The following NEB variants were observed in gnomAD, a reference collection of about 807,000 sequenced individuals.
The protein encoded by NEB is nemaline myopathy type 2.
In NEB, 512 loss-of-function variants were observed where a neutral mutation model predicts 952.2. The observed-to-expected ratio is 0.54, with a 90% confidence interval of 0.50 to 0.58. The LOEUF (loss-of-function observed/expected upper bound fraction) is 0.58, where lower values mean the gene tolerates loss of function less well. Ranked by LOEUF, NEB falls within the 20% of genes least tolerant of loss-of-function variation. The probability of loss-of-function intolerance (pLI) is 0.00; values close to 1 mark genes in which losing one functional copy is unlikely to be tolerated. For synonymous variants in NEB, 2,900 were observed against 3,149.8 expected (o/e 0.92, Z 2.66); for missense variants, 8,428 against 9,231.1 (o/e 0.91, Z 3.56).
At position 151,664,535 on chromosome 2, in the gene NEB, T is replaced by C. The variant is rs753497414; in HGVS notation, c.5417A>G (p.Lys1806Arg). The change falls in exon 44 of 182, where the codon AAG becomes AGG. Residue 1806 changes from lysine to arginine, a missense_variant. Lys to Arg is a conservative substitution (Grantham distance 26, BLOSUM62 2). Around this residue, in one of 11 missense-constraint regions of NEB, gnomAD observed 2,851 missense variants for 2,791.5 expected, o/e 1.02. Transcript: ENST00000397345. ...YDLRPDAIAI[K>R]AARASRDIAS... ...AATGTCTCTAGAGGCTCTTGCAGCCTTTATTGCAATGGCATCAGGCCTCAG... is the reference window on the plus strand; with the variant it reads ...AATGTCTCTAGAGGCTCTTGCAGCCCTTATTGCAATGGCATCAGGCCTCAG... The C allele has an allele frequency of 1.2e-6, 2 of 1,605,470 alleles. No homozygotes were observed. The highest frequency in any genetic ancestry group is 2.2e-5 in the South Asian group (2 of 88,912).
chr2:151,723,488 T>C lies in NEB; in HGVS notation c.613-2A>G, dbSNP rs752893483. On this transcript the variant is annotated splice_acceptor_variant, in intron 8 of 181. Coordinates refer to ENST00000397345, the MANE Select transcript of NEB (RefSeq NM_001164508.2). LOFTEE classifies it high-confidence loss of function. Reference sequence around the variant, plus strand: ...TTCCCAGTCTTCAGTGTACAGTTTCTAAATCAAAAAAGAGTGAAAAGTTAG... The same window carrying C: ...TTCCCAGTCTTCAGTGTACAGTTTCCAAATCAAAAAAGAGTGAAAAGTTAG... 1.3e-6 allele frequency: 2 copies of C among 1,595,978 alleles called. No homozygotes were observed. The highest frequency in any genetic ancestry group is 3.5e-5 in the Admixed American group (2 of 57,844).
At chr2:151,573,454 A>C (rs1273358515) in intron 107 of NEB, among the ~76,000 whole-genome samples, 1 of 152,108 alleles carries the variant, frequency 6.6e-6, no homozygotes, top group African/African-American at 2.4e-5. Flanking sequence ...AGAACTGACT[A>C]CCCCTTGATT....
chr2:151,525,763 T>G (rs1442643931), intron 150 of NEB, among the ~76,000 whole-genome samples, 195 bp downstream of exon 150: 3 of 152,224 alleles, frequency 2.0e-5, no homozygotes, highest in Non-Finnish European at 4.4e-5. Flanking sequence ...AAACCCACAT[T>G]TGCCATAATT....
At chr2:151,491,598 G>T in intron 179 of NEB, 85 bp downstream of exon 179, 1 of 1,145,536 alleles carries the variant, frequency 8.7e-7, no homozygotes. Flanking sequence ...TGGAGGGAAG[G>T]AACTTCAGAG....
intron 130 of NEB, among the ~76,000 whole-genome samples, chr2:151,549,097 C>T (rs1009403485): frequency 1.3e-5 from 2 of 152,152 alleles, no homozygotes; most frequent in African/African-American, 4.8e-5. Context: ...TTTGAGTAAG[C>T]TACAGGTAGT....
intron 135 of NEB, among the ~76,000 whole-genome samples, chr2:151,545,007 G>A (rs147262394): frequency 2.6e-5 from 4 of 152,318 alleles, no homozygotes; most frequent in Non-Finnish European, 4.4e-5. Flanking sequence ...GGCACTATGG[G>A]ACACATGTAA....
intron 138 of NEB, 66 bp downstream of exon 138, chr2:151,540,278 G>A (rs1576777990): frequency 1.1e-6 from 1 of 920,706 alleles, no homozygotes; most frequent in South Asian, 1.8e-5. Flanking sequence ...AATATGTTAT[G>A]TTTCTTAGGT....
At chr2:151,541,593 G>T in intron 135 of NEB, 42 bp from the exon 136 acceptor site, 1 of 1,496,196 alleles carries the variant, frequency 6.7e-7, no homozygotes, top group Non-Finnish European at 9.3e-7. Context: ...CTGTTTCATG[G>T]GCATGTTATG....
intron 46 of NEB, among the ~76,000 whole-genome samples, chr2:151,660,120 C>T (rs764011437): frequency 2.0e-5 from 3 of 152,144 alleles, no homozygotes; most frequent in Admixed American, 6.5e-5. Flanking sequence ...AACAACTCAT[C>T]GAAGTGGGGG....
At chr2:151,642,289 T>A (rs2098877262) in intron 60 of NEB, among the ~76,000 whole-genome samples, 1 of 152,226 alleles carries the variant, frequency 6.6e-6, no homozygotes, top group Non-Finnish European at 1.5e-5. Context: ...GATACATCAT[T>A]GGAAAAGCCA....
chr2:151,535,335 C>T (rs2092914839), intron 142 of NEB, among the ~76,000 whole-genome samples: 2 of 151,210 alleles, frequency 1.3e-5, no homozygotes, highest in African/African-American at 4.9e-5. Context: ...CTGTGTCTTC[C>T]AAATCTACAC....
intron 153 of NEB, among the ~76,000 whole-genome samples, chr2:151,521,039 TAG>T (rs1415038304): frequency 6.6e-6 from 1 of 152,178 alleles, no homozygotes; most frequent in Non-Finnish European, 1.5e-5. Flanking sequence ...GAGCTGTTTC[TAG>T]ATGTTAGCCA....
intron 135 of NEB, 25 bp from the exon 136 acceptor site, chr2:151,541,576 A>G: frequency 6.3e-7 from 1 of 1,574,928 alleles, no homozygotes; most frequent in Non-Finnish European, 8.7e-7. Context: ...AGTTATCACC[A>G]TCATTTCTGT....
In NEB at chr2:151,666,188, T is replaced by C. The variant is rs746822265; in HGVS notation, c.4933A>G (p.Thr1645Ala). The C allele has an allele frequency of 8.7e-6, 14 of 1,613,982 alleles. No individual in the cohort carries two copies. The East Asian group carries it at 8.9e-5, about 10-fold the overall frequency. The change falls in exon 41 of 182, where the codon ACC becomes GCC. Residue 1645 changes from threonine (T) to alanine (A), a missense_variant. Thr to Ala is a moderately conservative substitution (Grantham distance 58). Around this residue, in one of 11 missense-constraint regions of NEB, gnomAD observed 2,851 missense variants for 2,791.5 expected, o/e 1.02. Transcript: ENST00000397345. ...TAAKKSQEVA[T>A]NANYRQSYHH... ...TATGACTGTCTGTAGTTGGCGTTGG[T>C]GGCAACCTCCTGAGATTTCTTTGCA...
At chr2:151,702,019 C>T (rs1185926723) in intron 13 of NEB, among the ~76,000 whole-genome samples, 1 of 149,726 alleles carries the variant, frequency 6.7e-6, no homozygotes, top group African/African-American at 2.5e-5. Flanking sequence ...ATAAATTCCC[C>T]TCTACACACT....
At chr2:151,620,663 C>T (rs1389317567) in intron 72 of NEB, among the ~76,000 whole-genome samples, 2 of 151,994 alleles carry the variant, frequency 1.3e-5, no homozygotes, top group African/African-American at 4.8e-5. Context: ...TCAGCATACA[C>T]ACATCTAGCT....
At chr2:151,615,109 A>G (rs1371007487) in intron 76 of NEB, among the ~76,000 whole-genome samples, 1 of 152,284 alleles carries the variant, frequency 6.6e-6, no homozygotes, top group Admixed American at 6.5e-5. Context: ...AACTTTCACT[A>G]TGAGTCAGTT....
At chr2:151,514,225 T>C (rs987127044) in intron 159 of NEB, 93 bp downstream of exon 159, 42 of 825,158 alleles carry the variant, frequency 5.1e-5, no homozygotes, top group Non-Finnish European at 8.6e-5. Context: ...TTTTCTCTGT[T>C]CTCTGTTTTT....
intron 133 of NEB, among the ~76,000 whole-genome samples, chr2:151,546,699 C>T (rs1559772748): frequency 6.6e-6 from 1 of 152,008 alleles, no homozygotes; most frequent in East Asian, 1.9e-4. Context: ...GCTGGGATTA[C>T]AGGCGTACAT....
Sources: allele counts gnomAD v4.1 joint callset (sites outside exome capture counted in the v4.1 genomes callset), GRCh38; gene constraint gnomAD v4.1.1; regional missense constraint gnomAD v4.1.1; transcripts MANE v1.5; gene names NCBI Gene and HGNC (gene_info 2026-07-23, HGNC 2026-07-21).